MYRFL: variants seen among roughly 807,000 people sequenced by gnomAD.
The protein encoded by MYRFL is myelin regulatory factor-like protein.
Under a neutral mutation model 109.4 loss-of-function variants are expected in MYRFL, and 88 were observed. The observed-to-expected ratio is 0.80, with a 90% CI of 0.68 to 0.96. The LOEUF (loss-of-function observed/expected upper bound fraction) is 0.96, where lower values mean the gene tolerates loss of function less well. MYRFL is among the 40% of genes least tolerant of loss of function. MYRFL has a pLI of 0.00. For synonymous variants in MYRFL, 324 were observed against 320.9 expected (o/e 1.01, Z -0.10); for missense variants, 957 against 954.9 (o/e 1.00, Z -0.03).
At chr12:69,872,751 G>A (rs1020285913) in intron 2 of MYRFL, among the ~76,000 whole-genome samples, 2 of 151,812 alleles carry the variant, frequency 1.3e-5, no homozygotes, top group African/African-American at 4.8e-5. Flanking sequence ...CACCTGCCTC[G>A]GCCTCCCAAA....
At chr12:69,923,117 C>G (rs1055796416) in intron 13 of MYRFL, among the ~76,000 whole-genome samples, 3 of 152,246 alleles carry the variant, frequency 2.0e-5, no homozygotes, top group African/African-American at 4.8e-5. Flanking sequence ...ACATTTGATT[C>G]TTTGTTCTAT....
intron 7 of MYRFL, 42 bp downstream of exon 7, chr12:69,891,208 A>G: frequency 1.1e-5 from 15 of 1,353,452 alleles, no homozygotes; most frequent in Non-Finnish European, 1.4e-5. Context: ...GTCAACATTT[A>G]TTTTGTTTCA....
At chr12:69,837,154 A>T (rs1425515537) in intron 1 of MYRFL, among the ~76,000 whole-genome samples, 1 of 152,180 alleles carries the variant, frequency 6.6e-6, no homozygotes, top group Non-Finnish European at 1.5e-5. Flanking sequence ...TTTCATCTGC[A>T]CACCACTCCG....
Position 69,911,746 on chromosome 12 carries a change from T to G in MYRFL, c.1602+816T>G, listed in dbSNP as rs1190278858. Among the ~76,000 whole-genome samples, 3 of 152,322 alleles carry G rather than the reference T, an allele frequency of 2.0e-5. No individual in the cohort carries two copies. In the East Asian group the frequency reaches 5.8e-4, roughly 29 times the overall value. ...GATGCTGATTTGTTTTATACTGCAT[T>G]ATTATATTTGATGCTGAGAGGAAAG... On this transcript the variant is annotated intron_variant, in intron 13 of 24. Coordinates refer to ENST00000552032, the MANE Select transcript of MYRFL (RefSeq NM_182530.3).
At chr12:69,863,949 C>T (rs1282249792) in intron 2 of MYRFL, among the ~76,000 whole-genome samples, 2 of 152,076 alleles carry the variant, frequency 1.3e-5, no homozygotes, top group African/African-American at 4.8e-5. Context: ...TTTTTTCCTC[C>T]CACAGCATTT....
At chr12:69,914,393 A>T (rs150528790) in intron 13 of MYRFL, among the ~76,000 whole-genome samples, 20 of 152,334 alleles carry the variant, frequency 1.3e-4, no homozygotes, top group African/African-American at 3.6e-4. Context: ...CCCAGGGTAC[A>T]GCCTTGGGAG....
intron 7 of MYRFL, among the ~76,000 whole-genome samples, chr12:69,892,914 C>CATT (rs1887002462): frequency 6.6e-6 from 1 of 152,176 alleles, no homozygotes; most frequent in African/African-American, 2.4e-5. Flanking sequence ...GTGGACATCA[C>CATT]ATTATATGAT....
chr12:69,935,050 G>A (rs577163190), intron 16 of MYRFL, among the ~76,000 whole-genome samples: 2 of 152,270 alleles, frequency 1.3e-5, no homozygotes, highest in East Asian at 1.9e-4. Flanking sequence ...CAGTTGCCAC[G>A]ATGACACTAT....
intron 22 of MYRFL, 58 bp from the exon 23 acceptor site, chr12:69,957,764 C>T (rs1956126880): frequency 1.3e-6 from 2 of 1,484,176 alleles, no homozygotes; most frequent in Admixed American, 2.1e-5. Context: ...AAGATGTATC[C>T]TAGTAGAAGC....
At chr12:69,955,571 A>C (rs1956074577) in intron 22 of MYRFL, 134 bp downstream of exon 22, 1 of 477,602 alleles carries the variant, frequency 2.1e-6, no homozygotes, top group Admixed American at 3.9e-5. Context: ...ATGGTTTGAG[A>C]GGTGGCCTAT....
intron 8 of MYRFL, among the ~76,000 whole-genome samples, chr12:69,894,044 T>G (rs2136340640): frequency 7.0e-6 from 1 of 143,462 alleles, no homozygotes; most frequent in South Asian, 2.3e-4. Context: ...TTGCCCAGGT[T>G]GGAGTGCAGT....
chr12:69,946,632 G>A, intron 19 of MYRFL: 1 of 152,192 alleles, frequency 6.6e-6, no homozygotes. Flanking sequence ...TAGGAGATAT[G>A]TTGCTTTTCA....
At chr12:69,918,180 T>C (rs1295152729) in intron 13 of MYRFL, among the ~76,000 whole-genome samples, 1 of 152,220 alleles carries the variant, frequency 6.6e-6, no homozygotes, top group Non-Finnish European at 1.5e-5. Flanking sequence ...TCAGAAGGGC[T>C]GGGCACTTGG....
At chr12:69,895,091 T>A (rs956950888) in intron 8 of MYRFL, among the ~76,000 whole-genome samples, 1 of 152,234 alleles carries the variant, frequency 6.6e-6, no homozygotes, top group Admixed American at 6.5e-5. Flanking sequence ...ATGCTGGGTA[T>A]ATGGAGCATA....
intron 2 of MYRFL, among the ~76,000 whole-genome samples, chr12:69,862,508 G>A (rs1266748736): frequency 2.0e-5 from 3 of 150,380 alleles, no homozygotes; most frequent in Admixed American, 6.6e-5. Context: ...TCTCTTTGAA[G>A]CAATTGTGAA....
chr12:69,846,673 T>G (rs948017971), intron 1 of MYRFL, among the ~76,000 whole-genome samples: 6 of 152,204 alleles, frequency 3.9e-5, no homozygotes, highest in Non-Finnish European at 7.3e-5. Flanking sequence ...TCCATGTGTC[T>G]TTATAGCAGC....
chr12:69,859,725 A>G (rs948141415), intron 2 of MYRFL, among the ~76,000 whole-genome samples: 1 of 152,208 alleles, frequency 6.6e-6, no homozygotes, highest in African/African-American at 2.4e-5. Flanking sequence ...ATGAGATACC[A>G]TCTCACACCA....
At position 69,957,864 on chromosome 12, in the gene MYRFL, T is replaced by C. The variant is rs368802033; in HGVS notation, c.2493T>C (p.Leu831=). ...PLIVFQCKFT[L]GNICFHSKRG... ...TAGTCTTCCAGTGCAAATTCACCCT[T>C]GGAAATATATGTTTCCATAGTAAAA... Residue 831 remains leucine, a synonymous_variant, in exon 23 of 25, where the codon CTT becomes CTC. Coordinates refer to ENST00000552032, the MANE Select transcript of MYRFL (RefSeq NM_182530.3). 1.1e-5 allele frequency: 17 copies of C among 1,534,836 alleles called. No individual in the cohort carries two copies. In the African/African-American group the frequency reaches 1.8e-4, roughly 16 times the overall value.
chr12:69,943,299 T>A (rs1347996687), intron 19 of MYRFL, among the ~76,000 whole-genome samples: 2 of 149,838 alleles, frequency 1.3e-5, no homozygotes, highest in Admixed American at 1.3e-4. Flanking sequence ...AAGGCTACAG[T>A]AACCAAAACA....
Sources: gnomAD v4.1 joint callset for allele counts (sites outside exome capture counted in the v4.1 genomes callset) on GRCh38, gnomAD v4.1.1 for gene constraint, MANE v1.5 for transcripts, NCBI Gene and HGNC (gene_info 2026-07-23, HGNC 2026-07-21) for gene names.